Variants in PCDH7 observed in about 807,000 individuals in gnomAD.
The protein encoded by PCDH7 is protocadherin-7.
In PCDH7, 17 loss-of-function variants were observed where a neutral mutation model predicts 58.9. The ratio of observed to expected loss-of-function variants is 0.29; its 90% confidence interval spans 0.20 to 0.43. The LOEUF is 0.43. PCDH7 is among the 20% of genes least tolerant of loss of function. The pLI is 1.00. For synonymous variants in PCDH7, 664 were observed against 616.4 expected (o/e 1.08, Z -1.14); for missense variants, 1,274 against 1,441.0 (o/e 0.88, Z 1.88).
intron 1 of PCDH7, among the ~76,000 whole-genome samples, chr4:30,762,309 T>C (rs1720131074): frequency 6.6e-6 from 1 of 152,150 alleles, no homozygotes; most frequent in African/African-American, 2.4e-5. Context: ...ATATAAAAGA[T>C]CATTTAAGGA....
rs181664759 is a variant in PCDH7, at chr4:31,010,730, A to G, written c.*7+60515A>G. On this transcript the variant is annotated intron_variant, in intron 3 of 3. Transcript: ENST00000509759. ...GTCACATGCTTTAAATAGGTGTAAT[A>G]GTTTCAAAAACAAGGCAGGTAGGAG... Among the ~76,000 whole-genome samples, 542 of 152,136 alleles carry G rather than the reference A, an allele frequency of 3.6e-3. 1 individual carries two copies. Among genetic ancestry groups the G allele is most frequent in the Middle Eastern group, 0.014 (4 of 294 alleles).
intron 1 of PCDH7, among the ~76,000 whole-genome samples, chr4:30,888,661 T>C (rs1738179027): frequency 1.3e-5 from 2 of 152,182 alleles, no homozygotes; most frequent in South Asian, 4.1e-4. Context: ...TAGTTCATTT[T>C]TTATAGATGT....
At chr4:31,101,059 A>T (rs1306200699) in intron 3 of PCDH7, among the ~76,000 whole-genome samples, 1 of 151,962 alleles carries the variant, frequency 6.6e-6, no homozygotes, top group East Asian at 1.9e-4. Context: ...AATGTATTTG[A>T]TTTTCCCAAG....
intron 1 of PCDH7, among the ~76,000 whole-genome samples, chr4:30,726,930 C>T (rs767856595): frequency 4.0e-5 from 6 of 151,738 alleles, no homozygotes; most frequent in African/African-American, 1.2e-4. Flanking sequence ...TTTGTTTGTG[C>T]CATAAGTAGA....
At chr4:30,898,917 C>CT (rs559937083) in intron 1 of PCDH7, among the ~76,000 whole-genome samples, 24 of 149,134 alleles carry the variant, frequency 1.6e-4, no homozygotes, top group East Asian at 9.8e-4. Flanking sequence ...TAGCAAATGC[C>CT]TTTTTTTTTT....
At chr4:31,027,455 G>A (rs1754529227) in intron 3 of PCDH7, among the ~76,000 whole-genome samples, 1 of 151,978 alleles carries the variant, frequency 6.6e-6, no homozygotes, top group Admixed American at 6.6e-5. Flanking sequence ...ACGGAGTCTA[G>A]CTCTGTCACC....
At chr4:31,064,857 TAAC>T (rs1203112863) in intron 3 of PCDH7, among the ~76,000 whole-genome samples, 1 of 151,662 alleles carries the variant, frequency 6.6e-6, no homozygotes, top group East Asian at 1.9e-4. Flanking sequence ...ATTCAGTTCA[TAAC>T]ACACACACAC....
chr4:30,802,383 C>G (rs977458124), intron 1 of PCDH7, among the ~76,000 whole-genome samples: 2 of 151,768 alleles, frequency 1.3e-5, no homozygotes, highest in East Asian at 3.9e-4. Context: ...AAGGAAAGAG[C>G]AGTTCGGCAG....
chr4:30,917,221 C>T (rs1397564875), intron 1 of PCDH7, among the ~76,000 whole-genome samples: 2 of 152,094 alleles, frequency 1.3e-5, no homozygotes, highest in South Asian at 2.1e-4. Flanking sequence ...TCTCTCATTT[C>T]ATCTAACTCT....
intron 3 of PCDH7, among the ~76,000 whole-genome samples, chr4:31,084,438 T>C (rs921662271): frequency 1.3e-5 from 2 of 151,936 alleles, no homozygotes; most frequent in African/African-American, 4.8e-5. Context: ...AATACGAGTG[T>C]AGTGTGTTAG....
In PCDH7 at chr4:30,857,890, C is replaced by A. The variant is rs150019357; in HGVS notation, c.71-62263C>A. On this transcript the variant is annotated intron_variant, in intron 1 of 3. Coordinates refer to the PCDH7 transcript ENST00000509759. Reference sequence around the variant, plus strand: ...CAATTCATTTTAACAGAACTCTTCACATAAACAATGCAGTTCATTGGAAAA... The same window carrying A: ...CAATTCATTTTAACAGAACTCTTCAAATAAACAATGCAGTTCATTGGAAAA... Among the ~76,000 whole-genome samples, 138 of 152,244 alleles carry A rather than the reference C, an allele frequency of 9.1e-4. No homozygotes were observed. The Middle Eastern group carries it at 0.017, about 19-fold the overall frequency.
chr4:30,909,456 T>C (rs535891314), intron 1 of PCDH7, among the ~76,000 whole-genome samples: 16 of 152,318 alleles, frequency 1.1e-4, no homozygotes, highest in African/African-American at 3.8e-4. Flanking sequence ...AAAAACTCTT[T>C]AAGCTGATAA....
chr4:30,773,148 C>G (rs182957001), intron 1 of PCDH7, among the ~76,000 whole-genome samples: 18 of 152,296 alleles, frequency 1.2e-4, no homozygotes, highest in African/African-American at 4.1e-4. Flanking sequence ...AGTAAGCCAC[C>G]CACCTTGGCC....
chr4:31,142,617 C>G, exon 4 of PCDH7: 1 of 1,367,788 alleles, frequency 7.3e-7, no homozygotes, highest in Non-Finnish European at 9.8e-7. Context: ...ACTTTCATGC[C>G]TGTTGATGAA....
At chr4:31,087,351 G>GAAGATTTATATGA (rs1712581373) in intron 3 of PCDH7, among the ~76,000 whole-genome samples, 1 of 152,082 alleles carries the variant, frequency 6.6e-6, no homozygotes, top group African/African-American at 2.4e-5. Flanking sequence ...TATTCAGTAG[G>GAAGATTTATATGA]AAGATTTATA....
At chr4:30,752,401 A>G (rs1397031375) in intron 1 of PCDH7, among the ~76,000 whole-genome samples, 1 of 152,142 alleles carries the variant, frequency 6.6e-6, no homozygotes, top group East Asian at 1.9e-4. Context: ...TGATTTTTCC[A>G]ACACATCTCA....
intron 3 of PCDH7, among the ~76,000 whole-genome samples, chr4:31,071,806 A>G (rs1300209467): frequency 2.0e-5 from 3 of 152,076 alleles, no homozygotes; most frequent in Non-Finnish European, 1.5e-5. Flanking sequence ...TACAGCATTG[A>G]GAAAGCTTTT....
chr4:30,796,011 T>G (rs1724727425), intron 1 of PCDH7, among the ~76,000 whole-genome samples: 1 of 152,150 alleles, frequency 6.6e-6, no homozygotes, highest in African/African-American at 2.4e-5. Flanking sequence ...AAGTTCATAT[T>G]CTCATCTCCA....
At chr4:31,113,919 A>G (rs1578833415) in intron 3 of PCDH7, among the ~76,000 whole-genome samples, 1 of 135,732 alleles carries the variant, frequency 7.4e-6, no homozygotes, top group Non-Finnish European at 1.5e-5. Flanking sequence ...TGCAACCTCC[A>G]CCTCCCAGGT....
Sources: gnomAD v4.1 joint callset for allele counts (sites outside exome capture counted in the v4.1 genomes callset) on GRCh38, gnomAD v4.1.1 for gene constraint, MANE v1.5 for transcripts, NCBI Gene and HGNC (gene_info 2026-07-23, HGNC 2026-07-21) for gene names.